CD48: variants seen among roughly 807,000 people sequenced by gnomAD.
CD48 encodes CD48 antigen.
Under a neutral mutation model 22.0 loss-of-function variants are expected in CD48, and 20 were observed. That is an observed-to-expected ratio of 0.91 (90% CI 0.64 to 1.32). The LOEUF (loss-of-function observed/expected upper bound fraction) is 1.32, where lower values mean the gene tolerates loss of function less well. Among genes scored for constraint, CD48 ranks in the 40% most tolerant of loss-of-function variants. CD48 has a pLI of 0.00. For synonymous variants in CD48, 110 were observed against 110.1 expected (o/e 1.00, Z 0.01); for missense variants, 307 against 286.5 (o/e 1.07, Z -0.52).
At chr1:160,709,490 G>C (rs1662888707) in intron 1 of CD48, among the ~76,000 whole-genome samples, 1 of 152,214 alleles carries the variant, frequency 6.6e-6, no homozygotes, top group African/African-American at 2.4e-5. Context: ...ATGGAACCCA[G>C]ATAGAACTAG....
intron 3 of CD48, among the ~76,000 whole-genome samples, chr1:160,679,975 G>A (rs1216035954): frequency 6.6e-6 from 1 of 152,214 alleles, no homozygotes; most frequent in Non-Finnish European, 1.5e-5. Flanking sequence ...CATATCAGGA[G>A]AGGCTGGTAG....
At position 160,680,423 on chromosome 1, in the gene CD48, T is replaced by C. The variant is rs564012887; in HGVS notation, c.652+779A>G. 6 of 235,042 alleles carry C rather than the reference T, an allele frequency of 2.6e-5. No homozygotes were observed. In the East Asian group the frequency reaches 5.4e-4, roughly 21 times the overall value. The allele number at this position is 235,042 out of a possible 1,614,324, so 14.6% of individuals were successfully genotyped here. A position where few individuals can be genotyped will look rare whatever the true frequency, so the allele number is the denominator to read the frequency against. ...GTCTCATTGAATCCTTAGCACGAGATAGGAACTGTTATTTTGTCCTTTATT... is the reference window on the plus strand; with the variant it reads ...GTCTCATTGAATCCTTAGCACGAGACAGGAACTGTTATTTTGTCCTTTATT... On this transcript the variant is annotated intron_variant, in intron 3 of 3. Coordinates refer to ENST00000368046, the MANE Select transcript of CD48 (RefSeq NM_001778.4).
intron 2 of CD48, among the ~76,000 whole-genome samples, chr1:160,682,283 T>C (rs1242859222): frequency 1.4e-5 from 2 of 138,728 alleles, no homozygotes; most frequent in East Asian, 4.2e-4. Flanking sequence ...ACTCAGTTTC[T>C]AAAAAAAAAA....
At chr1:160,711,655 C>A in intron 1 of CD48, 27 bp downstream of exon 1, 1 of 1,562,990 alleles carries the variant, frequency 6.4e-7, no homozygotes, top group East Asian at 2.2e-5. Flanking sequence ...AGTGCACAAT[C>A]ACAGATACAC....
chr1:160,701,968 C>T (rs961576447), intron 1 of CD48, among the ~76,000 whole-genome samples: 6 of 152,120 alleles, frequency 3.9e-5, no homozygotes, highest in African/African-American at 1.4e-4. Context: ...TTTTCACCGC[C>T]GGAGCCTATC....
chr1:160,684,982 G>A lies in CD48; in HGVS notation c.290C>T (p.Ser97Phe), dbSNP rs768191754. 3 of 1,614,064 alleles carry A rather than the reference G, an allele frequency of 1.9e-6. No homozygotes were observed. The highest frequency in any genetic ancestry group is 4.5e-5 in the East Asian group (2 of 44,902). ...GCTGTTGTCCTCTTTCTGGACCTTA[G>A]AGATGTACAGTGCGCCACTCTGAGG... ...LDPQSGALYI[S>F]KVQKEDNSTY... The change falls in exon 2 of 4, where the codon TCT becomes TTT. Residue 97 changes from serine to phenylalanine, a missense_variant. Transcript: ENST00000368046.
intron 1 of CD48, among the ~76,000 whole-genome samples, chr1:160,703,174 G>A (rs1052301798): frequency 6.6e-6 from 1 of 152,158 alleles, no homozygotes; most frequent in African/African-American, 2.4e-5. Flanking sequence ...AGCTGAGCCT[G>A]CAAATGGGCC....
intron 1 of CD48, among the ~76,000 whole-genome samples, chr1:160,710,705 G>T (rs1167761842): frequency 6.6e-6 from 1 of 152,136 alleles, no homozygotes. Flanking sequence ...AACCTATATA[G>T]CCGTAGACTC....
chr1:160,688,132 T>C (rs189888386), intron 1 of CD48, among the ~76,000 whole-genome samples: 88 of 152,316 alleles, frequency 5.8e-4, no homozygotes, highest in Non-Finnish European at 1.1e-3. Flanking sequence ...ATGGATGCCT[T>C]GTTGAGAATT....
chr1:160,691,383 C>T lies in CD48; in HGVS notation c.83-6194G>A, dbSNP rs1199039629. 2.6e-5 allele frequency among the ~76,000 whole-genome samples: 4 copies of T among 152,192 alleles called. No individual in the cohort carries two copies. The South Asian group carries it at 8.3e-4, about 32-fold the overall frequency. On this transcript the variant is annotated intron_variant, in intron 1 of 3. Coordinates refer to ENST00000368046, the MANE Select transcript of CD48 (RefSeq NM_001778.4). ...AACCACCTTAGGGCTGGAGGTGGGA[C>T]ATGCAGGCAGCAATACTGCTTTGTA...
chr1:160,699,572 G>C (rs557559571), intron 1 of CD48: 1 of 152,354 alleles, frequency 6.6e-6, no homozygotes, highest in East Asian at 1.9e-4. Flanking sequence ...GCAATGGAAT[G>C]TCTCAGTATA....
chr1:160,702,014 G>T (rs1367881615), intron 1 of CD48, among the ~76,000 whole-genome samples: 3 of 152,130 alleles, frequency 2.0e-5, no homozygotes, highest in Non-Finnish European at 2.9e-5. Context: ...TGTTTAAAAT[G>T]ATATTAGGTA....
At chr1:160,702,056 C>T (rs554227427) in intron 1 of CD48, among the ~76,000 whole-genome samples, 8 of 152,088 alleles carry the variant, frequency 5.3e-5, no homozygotes, top group South Asian at 2.1e-4. Flanking sequence ...ACTCACCAGA[C>T]GCAATGGAAA....
chr1:160,703,949 A>G (rs571590646), intron 1 of CD48, among the ~76,000 whole-genome samples: 5 of 152,314 alleles, frequency 3.3e-5, no homozygotes, highest in African/African-American at 7.2e-5. Flanking sequence ...TGAGAGACAC[A>G]GTCAGAGAGG....
chr1:160,684,067 C>T (rs1167208820), intron 2 of CD48: 6 of 152,176 alleles, frequency 3.9e-5, no homozygotes, highest in African/African-American at 1.4e-4. Context: ...TGAGAGATAA[C>T]ATGTGTAAAA....
In CD48 at chr1:160,685,088, A is replaced by T; in HGVS notation, c.184T>A (p.Phe62Ile). ...NYKQLTWFYT[F>I]DQKIVEWDSR... ...TCCCATTCTACAATCTTCTGGTCGA[A>T]AGTATAAAACCAGGTTAGTTGTTTG... Residue 62 changes from phenylalanine (F) to isoleucine (I), a missense_variant, in exon 2 of 4, where the codon TTC becomes ATC. By Grantham distance (21) the Phe-to-Ile change is conservative (BLOSUM62 0). Coordinates refer to ENST00000368046, the MANE Select transcript of CD48 (RefSeq NM_001778.4). 6.2e-7 allele frequency: 1 copy of T among 1,614,198 alleles called. No individual in the cohort carries two copies. The highest frequency in any genetic ancestry group is 8.5e-7 in the Non-Finnish European group (1 of 1,180,030).
chr1:160,680,284 G>A (rs1661747400), intron 3 of CD48: 1 of 152,198 alleles, frequency 6.6e-6, no homozygotes, highest in African/African-American at 2.4e-5. Flanking sequence ...CCAGAGTGCT[G>A]GAGATATTGA....
At chr1:160,707,006 G>A (rs1467675996) in intron 1 of CD48, among the ~76,000 whole-genome samples, 1 of 152,204 alleles carries the variant, frequency 6.6e-6, no homozygotes, top group Non-Finnish European at 1.5e-5. Context: ...AAGAAAAGAA[G>A]ATGAGTGTTA....
intron 2 of CD48, among the ~76,000 whole-genome samples, chr1:160,683,362 AG>A (rs979768112): frequency 6.6e-6 from 1 of 152,192 alleles, no homozygotes; most frequent in Non-Finnish European, 1.5e-5. Flanking sequence ...TCTTACCCTC[AG>A]GCAGGATGTG....
Sources: allele counts gnomAD v4.1 joint callset (sites outside exome capture counted in the v4.1 genomes callset), GRCh38; gene constraint gnomAD v4.1.1; transcripts MANE v1.5; gene names NCBI Gene and HGNC (gene_info 2026-07-23, HGNC 2026-07-21).